Variants in GK5 observed in about 807,000 individuals in gnomAD.
GK5 encodes ATP:glycerol 3-phosphotransferase 5.
Under a neutral mutation model 77.3 loss-of-function variants are expected in GK5, and 39 were observed. That is an observed-to-expected ratio of 0.50 (90% CI 0.39 to 0.66). The LOEUF (loss-of-function observed/expected upper bound fraction) is 0.66. Among genes scored for constraint, GK5 ranks in the 30% least tolerant of loss-of-function variants. The pLI is 0.00. For synonymous variants in GK5, 211 were observed against 208.0 expected (o/e 1.01, Z -0.13); for missense variants, 487 against 633.8 (o/e 0.77, Z 2.49).
At chr3:142,225,230 C>T in intron 1 of GK5, 79 bp downstream of exon 1, 2 of 1,405,808 alleles carry the variant, frequency 1.4e-6, no homozygotes, top group Non-Finnish European at 1.9e-6. Context: ...TGGGGCCTGC[C>T]CGCTCGCCTC....
At chr3:142,192,019 T>G (rs1266013244) in intron 5 of GK5, among the ~76,000 whole-genome samples, 1 of 152,072 alleles carries the variant, frequency 6.6e-6, no homozygotes, top group African/African-American at 2.4e-5. Context: ...ACAAAAATTT[T>G]TTTAATGGCA....
At chr3:142,187,621 A>C in intron 6 of GK5, 83 bp downstream of exon 6, 1 of 982,298 alleles carries the variant, frequency 1.0e-6, no homozygotes, top group South Asian at 1.4e-5. Context: ...AAAAAAAAAA[A>C]GTAACTTCTA....
chr3:142,222,563 CAAA>C (rs918156029), intron 1 of GK5, among the ~76,000 whole-genome samples: 1 of 133,040 alleles, frequency 7.5e-6, no homozygotes, highest in African/African-American at 2.8e-5. Context: ...GACTCCATCT[CAAA>C]AAAAAAAAAA....
intron 5 of GK5, among the ~76,000 whole-genome samples, chr3:142,192,811 C>T (rs887542279): frequency 9.3e-5 from 14 of 150,078 alleles, no homozygotes; most frequent in Admixed American, 4.0e-4. Context: ...CACATTCAGA[C>T]AATGGAATAT....
chr3:142,225,255 CG>C, intron 1 of GK5, 53 bp downstream of exon 1: 10 of 1,477,180 alleles, frequency 6.8e-6, no homozygotes, highest in Non-Finnish European at 9.0e-6. Context: ...GGCCGGACCC[CG>C]GGACTCAGCG....
chr3:142,213,525 C>T lies in GK5; in HGVS notation c.317+1G>A. On this transcript the variant is annotated splice_donor_variant, in intron 3 of 15. Coordinates refer to ENST00000392993, the MANE Select transcript of GK5 (RefSeq NM_001039547.3). LOFTEE classifies it high-confidence loss of function. ...GGGTGCTTATCACAGAATGTACTTA[C>T]TTGTTCCACGTAATAAAAGTTGCTC... 1 of 1,582,568 alleles carries T rather than the reference C, an allele frequency of 6.3e-7. No individual in the cohort carries two copies. The highest frequency in any genetic ancestry group is 8.7e-7 in the Non-Finnish European group (1 of 1,151,302).
chr3:142,198,882 G>C lies in GK5; in HGVS notation c.463C>G (p.Leu155Val), dbSNP rs2063975299. 6.2e-7 allele frequency: 1 copy of C among 1,613,222 alleles called. No homozygotes were observed. Among genetic ancestry groups the C allele is most frequent in the Admixed American group, 1.7e-5 (1 of 59,948 alleles). ...AAAGTGAACAAACTGGCTGTAAAAA[G>C]TCGTTTACTTCTAGTGAAAAAGTGA... Reference protein sequence around the residue: ...VLHFFTRSKRLFTASLFTFTT... With the variant: ...VLHFFTRSKRVFTASLFTFTT... Residue 155 changes from leucine to valine, a missense_variant, in exon 5 of 16, where the codon CTT (leucine) becomes GTT (valine). By Grantham distance (32) the Leu-to-Val change is conservative. Coordinates refer to ENST00000392993, the MANE Select transcript of GK5 (RefSeq NM_001039547.3).
At chr3:142,217,609 G>C (rs1158159994) in intron 1 of GK5, among the ~76,000 whole-genome samples, 3 of 152,092 alleles carry the variant, frequency 2.0e-5, no homozygotes, top group Non-Finnish European at 2.9e-5. Context: ...TCACTTGAGG[G>C]AAGTAACAGT....
At chr3:142,221,135 A>G (rs576931290) in intron 1 of GK5, among the ~76,000 whole-genome samples, 1 of 152,256 alleles carries the variant, frequency 6.6e-6, no homozygotes, top group African/African-American at 2.4e-5. Context: ...AGGAACTCTG[A>G]GGATACAGTG....
chr3:142,194,264 A>G (rs1052833046), intron 5 of GK5, among the ~76,000 whole-genome samples: 1 of 151,946 alleles, frequency 6.6e-6, no homozygotes, highest in African/African-American at 2.4e-5. Flanking sequence ...GGTGACTCAC[A>G]CCTGTAATCC....
chr3:142,187,027 G>A (rs771931052), intron 6 of GK5, among the ~76,000 whole-genome samples: 7 of 152,186 alleles, frequency 4.6e-5, no homozygotes, highest in Middle Eastern at 3.4e-3. Flanking sequence ...CATACATGTT[G>A]TCACTTTACG....
chr3:142,224,003 A>T (rs1287200591), intron 1 of GK5, among the ~76,000 whole-genome samples: 1 of 152,182 alleles, frequency 6.6e-6, no homozygotes, highest in Non-Finnish European at 1.5e-5. Flanking sequence ...GGACACTGAG[A>T]AAAAGGGGGA....
At chr3:142,204,041 C>G (rs2064067041) in intron 4 of GK5, among the ~76,000 whole-genome samples, 1 of 152,154 alleles carries the variant, frequency 6.6e-6, no homozygotes, top group African/African-American at 2.4e-5. Flanking sequence ...GGCTTTGAGA[C>G]AGGATCTCAC....
chr3:142,170,993 C>G (rs936901370), intron 14 of GK5, among the ~76,000 whole-genome samples: 1 of 152,108 alleles, frequency 6.6e-6, no homozygotes, highest in Non-Finnish European at 1.5e-5. Flanking sequence ...CTGTGGGAGG[C>G]TGAAGAGGGC....
intron 15 of GK5, among the ~76,000 whole-genome samples, chr3:142,168,177 C>T (rs954300676): frequency 6.6e-6 from 1 of 152,170 alleles, no homozygotes; most frequent in African/African-American, 2.4e-5. Flanking sequence ...CCTTGATATA[C>T]TATAATTATA....
chr3:142,216,384 C>T (rs2064276778), intron 1 of GK5, among the ~76,000 whole-genome samples: 1 of 152,074 alleles, frequency 6.6e-6, no homozygotes, highest in South Asian at 2.1e-4. Flanking sequence ...TGTCTCCATA[C>T]TTTTATACCC....
chr3:142,201,572 T>C (rs2064022594), intron 4 of GK5, among the ~76,000 whole-genome samples: 1 of 152,170 alleles, frequency 6.6e-6, no homozygotes, highest in South Asian at 2.1e-4. Flanking sequence ...CTGTTCAGTA[T>C]CTTGCATATG....
chr3:142,170,350 T>C lies in GK5; in HGVS notation c.1416A>G (p.Ala472=). Residue 472 remains alanine, a synonymous_variant, in exon 15 of 16, where the codon GCA becomes GCG. Transcript: ENST00000392993. The part of the protein sequence containing the change: ...PADIDMSCLG[A]ASLAGLAVGF... ...CAACAGCAAGGCCAGCTAGAGAAGCTGCACCCAGGCATGACATGTCAATGT... is the reference window on the plus strand; with the variant it reads ...CAACAGCAAGGCCAGCTAGAGAAGCCGCACCCAGGCATGACATGTCAATGT... 1 of 1,614,128 alleles carries C rather than the reference T, an allele frequency of 6.2e-7. No homozygotes were observed. Among genetic ancestry groups the C allele is most frequent in the Non-Finnish European group, 8.5e-7 (1 of 1,180,016 alleles).
intron 1 of GK5, among the ~76,000 whole-genome samples, chr3:142,220,485 G>A (rs968736148): frequency 6.6e-6 from 1 of 152,128 alleles, no homozygotes; most frequent in African/African-American, 2.4e-5. Context: ...CATGGCTTAG[G>A]ACAGAGGAGG....
Sources: gnomAD v4.1 joint callset for allele counts (sites outside exome capture counted in the v4.1 genomes callset) on GRCh38, gnomAD v4.1.1 for gene constraint, MANE v1.5 for transcripts, NCBI Gene and HGNC (gene_info 2026-07-23, HGNC 2026-07-21) for gene names.